The following DMXL1 variants were observed in gnomAD, a reference collection of about 807,000 sequenced individuals.
The protein encoded by DMXL1 is dmX-like protein 1.
A neutral mutation model predicts 319.2 loss-of-function variants in DMXL1; 99 were observed. The ratio of observed to expected loss-of-function variants is 0.31; its 90% CI spans 0.26 to 0.37. DMXL1 has a LOEUF of 0.37. DMXL1 is among the 10% of genes least tolerant of loss of function. DMXL1 has a pLI of 1.00. For synonymous variants in DMXL1, 1,385 were observed against 1,235.2 expected (o/e 1.12, Z -2.54); for missense variants, 3,745 against 3,595.6 (o/e 1.04, Z -1.06).
In DMXL1 at chr5:119,141,885, C is replaced by G. The variant is rs1330608314; in HGVS notation, c.2377-1956C>G. 3.9e-5 allele frequency among the ~76,000 whole-genome samples: 6 copies of G among 152,208 alleles called. No homozygotes were observed. The East Asian group carries it at 1.2e-3, about 29-fold the overall frequency. ...AACTATACTGCAGGGATACAGTAGC[C>G]AAAACAGCATAGTAGTGGTACAAAA... On this transcript the variant is annotated intron_variant, in intron 13 of 43. Transcript: ENST00000539542.
At chr5:119,122,850 T>G (rs1164645243) in intron 9 of DMXL1, among the ~76,000 whole-genome samples, 1 of 142,910 alleles carries the variant, frequency 7.0e-6, no homozygotes, top group African/African-American at 2.6e-5. Flanking sequence ...GCTCCTCACA[T>G]CCCAGACGAT....
intron 9 of DMXL1, among the ~76,000 whole-genome samples, chr5:119,124,112 C>T (rs1762933823): frequency 6.6e-6 from 1 of 151,292 alleles, no homozygotes; most frequent in South Asian, 2.1e-4. Context: ...AGTTCAAGAC[C>T]AGCCTGGCTA....
intron 33 of DMXL1, 118 bp downstream of exon 33, chr5:119,203,554 G>A (rs1445689845): frequency 4.2e-6 from 2 of 477,028 alleles, no homozygotes; most frequent in East Asian, 3.7e-5. Context: ...CATAAACATA[G>A]GCAATTAATG....
In DMXL1 at chr5:119,184,138, C is replaced by G. The variant is rs142105506; in HGVS notation, c.7136-5570C>G. Among the ~76,000 whole-genome samples, 857 of 152,020 alleles carry G rather than the reference C, an allele frequency of 5.6e-3. 9 individuals are homozygous for G. Among genetic ancestry groups the G allele is most frequent in the African/African-American group, 0.02 (814 of 41,342 alleles). On this transcript the variant is annotated intron_variant, in intron 28 of 43. Transcript: ENST00000539542. ...GTGTGATCACAGCTCATTTTACAGC[C>G]TTGGCCTCTTGGGCTCAAGTGATCC...
At chr5:119,083,382 C>T (rs1425839140) in intron 1 of DMXL1, among the ~76,000 whole-genome samples, 1 of 151,918 alleles carries the variant, frequency 6.6e-6, no homozygotes, top group Non-Finnish European at 1.5e-5. Context: ...ACATTTTTTT[C>T]ATCCACTGAT....
chr5:119,163,961 C>T (rs1332788670), intron 19 of DMXL1, among the ~76,000 whole-genome samples: 4 of 152,142 alleles, frequency 2.6e-5, no homozygotes, highest in East Asian at 1.9e-4. Context: ...ATCCACCCAC[C>T]TAGGCCTCCC....
Position 119,206,893 on chromosome 5 carries a change from T to C in DMXL1, c.7923T>C (p.Asn2641=). The change falls in exon 34 of 44, where the codon AAT becomes AAC. Residue 2641 remains asparagine (N), a synonymous_variant. Transcript: ENST00000539542. ...KNSMMEEPNI[N]KIEADLGYPG... The stretch of plus-strand genomic sequence containing the variant: ...CTATGATGGAGGAGCCAAACATCAA[T>C]AAGGTACAAAATATCATTCAACTGA... 6.6e-7 allele frequency: 1 copy of C among 1,515,394 alleles called. No homozygotes were observed. The highest frequency in any genetic ancestry group is 8.8e-7 in the Non-Finnish European group (1 of 1,130,054). The allele number at this position is 1,515,394 out of a possible 1,614,324, so 93.9% of individuals were successfully genotyped here.
intron 1 of DMXL1, among the ~76,000 whole-genome samples, chr5:119,090,054 C>A (rs966993104): frequency 4.6e-5 from 4 of 87,068 alleles, no homozygotes; most frequent in African/African-American, 1.9e-4. Flanking sequence ...GACTTTCGCT[C>A]TTGTCGCCCA....
intron 34 of DMXL1, among the ~76,000 whole-genome samples, chr5:119,211,496 A>C (rs1015386430): frequency 2.0e-5 from 3 of 152,202 alleles, no homozygotes; most frequent in Non-Finnish European, 4.4e-5. Flanking sequence ...ACTTACTGGC[A>C]TAAAGTTATC....
intron 29 of DMXL1, among the ~76,000 whole-genome samples, chr5:119,193,488 C>G (rs188696921): frequency 6.6e-6 from 1 of 152,124 alleles, no homozygotes; most frequent in Non-Finnish European, 1.5e-5. Flanking sequence ...CTTTGTAGCA[C>G]ATAATACAGT....
At position 119,149,337 on chromosome 5, in the gene DMXL1, C is replaced by T. The variant is rs752775174; in HGVS notation, c.3510C>T (p.Gly1170=). Residue 1170 remains glycine (G), a synonymous_variant, in exon 18 of 44, where the codon GGC becomes GGT. Coordinates refer to ENST00000539542, the MANE Select transcript of DMXL1 (RefSeq NM_001290321.3). ...TTTTTATGTATGGACCCCTGGCTGG[C>T]AAGGTACAAGACCAAACTGGTAAGG... The part of the protein sequence containing the change: ...SKLFMYGPLA[G]KVQDQTGKET... 4 of 1,613,820 alleles carry T rather than the reference C, an allele frequency of 2.5e-6. No homozygotes were observed. The highest frequency in any genetic ancestry group is 2.2e-5 in the South Asian group (2 of 91,074).
At chr5:119,102,347 A>G (rs1757449385) in intron 3 of DMXL1, 1 of 188,250 alleles carries the variant, frequency 5.3e-6, no homozygotes, top group Non-Finnish European at 1.1e-5. Flanking sequence ...CCTTTGTTTT[A>G]TAATCTACCT....
chr5:119,148,427 A>T (rs912735687), intron 17 of DMXL1, among the ~76,000 whole-genome samples: 1 of 152,174 alleles, frequency 6.6e-6, no homozygotes, highest in African/African-American at 2.4e-5. Context: ...TAGGCCCAAG[A>T]TGTTTAACCT....
intron 9 of DMXL1, 94 bp from the exon 10 acceptor site, chr5:119,129,115 CAA>C (rs1764243308): frequency 2.6e-6 from 2 of 778,652 alleles, no homozygotes; most frequent in South Asian, 2.1e-5. Flanking sequence ...TTCAGGCAAA[CAA>C]AATATAAATG....
At chr5:119,156,379 C>CA (rs1274084178) in intron 19 of DMXL1, among the ~76,000 whole-genome samples, 1 of 152,144 alleles carries the variant, frequency 6.6e-6, no homozygotes, top group Non-Finnish European at 1.5e-5. Context: ...CACTGGGAAA[C>CA]AAAAAATTGT....
At chr5:119,099,822 T>G (rs1756833962) in intron 2 of DMXL1, among the ~76,000 whole-genome samples, 1 of 151,982 alleles carries the variant, frequency 6.6e-6, no homozygotes, top group South Asian at 2.1e-4. Flanking sequence ...GGGGCAACCC[T>G]GTCTCTACAA....
chr5:119,141,802 G>C (rs1436672041), intron 13 of DMXL1, among the ~76,000 whole-genome samples: 1 of 152,048 alleles, frequency 6.6e-6, no homozygotes, highest in African/African-American at 2.4e-5. Flanking sequence ...AGGCTGTGTA[G>C]CCAAGGCAAT....
chr5:119,220,553 T>C lies in DMXL1; in HGVS notation c.8095T>C (p.Tyr2699His), dbSNP rs149438809. The change falls in exon 36 of 44, where the codon TAC (tyrosine) becomes CAC (histidine). Residue 2699 changes from tyrosine (Y) to histidine (H), a missense_variant. Around this residue, in one of 4 missense-constraint regions of DMXL1, gnomAD observed 1,382 missense variants for 1,269.5 expected, o/e 1.09. Coordinates refer to ENST00000539542, the MANE Select transcript of DMXL1 (RefSeq NM_001290321.3). ...TTCTGGAATTCTGGCCACACAGGTCTACACTTGGGTAGATGATGATATAGA... is the reference window on the plus strand; with the variant it reads ...TTCTGGAATTCTGGCCACACAGGTCCACACTTGGGTAGATGATGATATAGA... ...DVSGILATQV[Y>H]TWVDDDIEVE... The C allele has an allele frequency of 6.2e-7, 1 of 1,613,980 alleles. No individual in the cohort carries two copies. Among genetic ancestry groups the C allele is most frequent in the South Asian group, 1.1e-5 (1 of 91,076 alleles).
chr5:119,221,102 A>AT (rs1423975159), intron 37 of DMXL1, 21 bp downstream of exon 37: 2 of 1,557,062 alleles, frequency 1.3e-6, no homozygotes, highest in Admixed American at 3.8e-5. Context: ...TTAAAAATAA[A>AT]TTTAAGTTAT....
Sources: allele counts gnomAD v4.1 joint callset (sites outside exome capture counted in the v4.1 genomes callset), GRCh38; gene constraint gnomAD v4.1.1; regional missense constraint gnomAD v4.1.1; transcripts MANE v1.5; gene names NCBI Gene and HGNC (gene_info 2026-07-23, HGNC 2026-07-21).